The following XPR1 variants were observed in gnomAD, a reference collection of about 807,000 sequenced individuals.
XPR1 encodes xenotropic and polytropic retrovirus receptor 1.
A neutral mutation model predicts 87.5 loss-of-function variants in XPR1; 28 were observed. That is an observed-to-expected ratio of 0.32 (90% CI 0.24 to 0.44). The LOEUF (loss-of-function observed/expected upper bound fraction) is 0.44, where lower values mean the gene tolerates loss of function less well. Ranked by LOEUF, XPR1 falls within the 20% of genes least tolerant of loss-of-function variation. The pLI is 1.00. For missense variants in XPR1, 559 were observed against 862.3 expected, an observed-to-expected ratio of 0.65 and a Z score of 4.41; for synonymous variants, 300 against 306.1, an observed-to-expected ratio of 0.98 and a Z score of 0.21.
chr1:180,643,957 G>A (rs56150326), intron 1 of XPR1, among the ~76,000 whole-genome samples: 3,659 of 152,126 alleles, frequency 0.024, 153 homozygotes, highest in African/African-American at 0.082. Flanking sequence ...ATTCGGTGTG[G>A]CCCAGGTTCT....
chr1:180,728,296 C>A (rs1658426816), intron 2 of XPR1, among the ~76,000 whole-genome samples: 1 of 72,552 alleles, frequency 1.4e-5, no homozygotes, highest in Admixed American at 1.5e-4. Context: ...TTGTTTATAA[C>A]TGGGGGGGGG....
chr1:180,846,104 T>C (rs1303499235), intron 11 of XPR1, among the ~76,000 whole-genome samples: 1 of 151,840 alleles, frequency 6.6e-6, no homozygotes, highest in Non-Finnish European at 1.5e-5. Flanking sequence ...TACTAAAAAT[T>C]ATAAAAAATT....
chr1:180,837,476 T>C (rs1651338254), intron 11 of XPR1, among the ~76,000 whole-genome samples: 1 of 152,216 alleles, frequency 6.6e-6, no homozygotes, highest in South Asian at 2.1e-4. Context: ...AGTGATTTTT[T>C]TTTCTTAATT....
chr1:180,842,654 T>A (rs1651556917), intron 11 of XPR1, among the ~76,000 whole-genome samples: 1 of 152,160 alleles, frequency 6.6e-6, no homozygotes, highest in South Asian at 2.1e-4. Context: ...TTAAATGGTT[T>A]TTGTGTGTCC....
intron 2 of XPR1, among the ~76,000 whole-genome samples, chr1:180,776,827 T>G (rs1286819561): frequency 1.3e-5 from 2 of 152,178 alleles, no homozygotes. Context: ...GATTGATTTT[T>G]TTCTCAATTA....
At chr1:180,814,662 C>T (rs1321185731) in intron 7 of XPR1, among the ~76,000 whole-genome samples, 7 of 152,118 alleles carry the variant, frequency 4.6e-5, no homozygotes, top group Admixed American at 4.6e-4. Flanking sequence ...AAGAGAATCC[C>T]TTTCCTTATG....
In XPR1 at chr1:180,697,266, G is replaced by C. The variant is rs572695449; in HGVS notation, c.121+14855G>C. Among the ~76,000 whole-genome samples, 10 of 152,046 alleles carry C rather than the reference G, an allele frequency of 6.6e-5. No individual in the cohort carries two copies. The South Asian group carries it at 1.9e-3, about 28-fold the overall frequency. ...TTTTAAAATTTGTTAGCATTAATTT[G>C]TTCATAATAGTGTCTAATAAGTTTG... On this transcript the variant is annotated intron_variant, in intron 2 of 14. Coordinates refer to ENST00000367590, the MANE Select transcript of XPR1 (RefSeq NM_004736.4).
chr1:180,661,381 C>T (rs1323625924), intron 1 of XPR1, among the ~76,000 whole-genome samples: 3 of 151,350 alleles, frequency 2.0e-5, no homozygotes, highest in Non-Finnish European at 4.4e-5. Context: ...TTTGCCATTT[C>T]GTTATTTGTT....
At chr1:180,783,523 A>G (rs1016125503) in intron 2 of XPR1, among the ~76,000 whole-genome samples, 8 of 152,124 alleles carry the variant, frequency 5.3e-5, no homozygotes, top group African/African-American at 1.9e-4. Context: ...ATTGTTATGC[A>G]TCCTTGCAAT....
At chr1:180,825,063 A>C in intron 8 of XPR1, 102 bp from the exon 9 acceptor site, 1 of 1,500,224 alleles carries the variant, frequency 6.7e-7, no homozygotes, top group South Asian at 1.4e-5. Context: ...TTAATAACTA[A>C]TCATGTTTCT....
chr1:180,874,815 A>G (rs1318662889), intron 13 of XPR1, among the ~76,000 whole-genome samples: 1 of 152,242 alleles, frequency 6.6e-6, no homozygotes, highest in South Asian at 2.1e-4. Flanking sequence ...AAATTTGCCA[A>G]ATCTGTAGAC....
chr1:180,780,198 A>G (rs1194162435), intron 2 of XPR1, among the ~76,000 whole-genome samples: 1 of 152,194 alleles, frequency 6.6e-6, no homozygotes, highest in Non-Finnish European at 1.5e-5. Flanking sequence ...TTGTTGAATC[A>G]TATGGTAATC....
chr1:180,661,476 C>CGT (rs60527318), intron 1 of XPR1, among the ~76,000 whole-genome samples: 4,948 of 142,316 alleles, frequency 0.035, 91 homozygotes, highest in Non-Finnish European at 0.044. Flanking sequence ...TTTAATTTTT[C>CGT]GTGTGTGTGT....
At chr1:180,819,215 A>G (rs546830676) in intron 7 of XPR1, among the ~76,000 whole-genome samples, 1 of 152,336 alleles carries the variant, frequency 6.6e-6, no homozygotes, top group East Asian at 1.9e-4. Flanking sequence ...TGGCCTCCCA[A>G]AACACTGGGA....
At chr1:180,742,245 T>C (rs2102024012) in intron 2 of XPR1, among the ~76,000 whole-genome samples, 1 of 152,286 alleles carries the variant, frequency 6.6e-6, no homozygotes, top group Non-Finnish European at 1.5e-5. Context: ...AGATTAGTGA[T>C]TTGAGATTTC....
intron 2 of XPR1, among the ~76,000 whole-genome samples, chr1:180,766,580 A>G (rs1648295248): frequency 1.3e-5 from 2 of 152,206 alleles, no homozygotes; most frequent in South Asian, 4.1e-4. Flanking sequence ...GAGTTATTGT[A>G]AAGTATTTCT....
At chr1:180,843,306 C>A (rs1361707321) in intron 11 of XPR1, among the ~76,000 whole-genome samples, 1 of 151,890 alleles carries the variant, frequency 6.6e-6, no homozygotes, top group Non-Finnish European at 1.5e-5. Flanking sequence ...GATATACACA[C>A]ATTTTTAAAA....
intron 6 of XPR1, among the ~76,000 whole-genome samples, chr1:180,807,997 CA>C (rs893666425): frequency 4.8e-4 from 73 of 151,622 alleles, no homozygotes; most frequent in Admixed American, 4.5e-3. Flanking sequence ...ACTCTGTCTC[CA>C]AAAAAAGAAA....
At chr1:180,691,459 A>G (rs1656990483) in intron 2 of XPR1, among the ~76,000 whole-genome samples, 1 of 152,180 alleles carries the variant, frequency 6.6e-6, no homozygotes, top group South Asian at 2.1e-4. Flanking sequence ...GAGAGTGTAC[A>G]TAGCTAATGT....
Sources: allele counts gnomAD v4.1 joint callset (sites outside exome capture counted in the v4.1 genomes callset), GRCh38; gene constraint gnomAD v4.1.1; transcripts MANE v1.5; gene names NCBI Gene and HGNC (gene_info 2026-07-23, HGNC 2026-07-21).